Variants in CCDC92B observed in about 807,000 individuals in gnomAD.
The protein encoded by CCDC92B is coiled-coil domain containing 92B.
Under a neutral mutation model 5.6 loss-of-function variants are expected in CCDC92B, and 2 were observed. The ratio of observed to expected loss-of-function variants is 0.36; its 90% confidence interval spans 0.15 to 1.12. CCDC92B has a LOEUF of 1.12. Ranked by LOEUF, CCDC92B falls within the 50% of genes most tolerant of loss-of-function variation. The probability of loss-of-function intolerance (pLI) is 0.40; values close to 1 mark genes in which losing one functional copy is unlikely to be tolerated. For synonymous variants in CCDC92B, 115 were observed against 122.3 expected (o/e 0.94, Z 0.39); for missense variants, 271 against 262.2 (o/e 1.03, Z -0.23).
rs190587870 is a variant in CCDC92B, at chr17:2,728,526, C to T, written c.178+1920G>A. ...GAGACTGAGGCAGAATGGCGTGAAC[C>T]CGGGAGGCAGAGCTTGCAGTGAGCC... is the stretch of plus-strand genomic sequence containing the variant. On this transcript the variant is annotated intron_variant, in intron 3 of 3. Transcript: ENST00000614400. 6.3e-4 allele frequency among the ~76,000 whole-genome samples: 96 copies of T among 151,984 alleles called. 1 individual carries two copies. Among genetic ancestry groups the T allele is most frequent in the Admixed American group, 6.2e-3 (94 of 15,262 alleles).
At chr17:2,741,079 G>A (rs141423404) in intron 1 of CCDC92B, among the ~76,000 whole-genome samples, 53 of 151,572 alleles carry the variant, frequency 3.5e-4, no homozygotes, top group South Asian at 1.0e-3. Flanking sequence ...GTTACACAGC[G>A]ATAAAAAACT....
At chr17:2,725,563 A>G (rs1221146986) in intron 3 of CCDC92B, among the ~76,000 whole-genome samples, 2 of 149,874 alleles carry the variant, frequency 1.3e-5, no homozygotes, top group Non-Finnish European at 3.0e-5. Flanking sequence ...TTAAGTGCAA[A>G]CCCCTTCCTG....
chr17:2,736,908 A>AAAT (rs1352603350), intron 1 of CCDC92B, among the ~76,000 whole-genome samples: 1 of 150,402 alleles, frequency 6.6e-6, no homozygotes, highest in Admixed American at 6.6e-5. Context: ...ATAAATAAAT[A>AAAT]AATAAAATAC....
chr17:2,735,102 C>G lies in CCDC92B; in HGVS notation c.44G>C (p.Arg15Pro). ...SLEHQIQSVQ[R>P]HISFLKKEQM... ...CTCCTTTTTCAGGAAGCTGATGTGGCGTTGCACGCTCTGGATCTGATGCTC... is the reference window on the plus strand; with the variant it reads ...CTCCTTTTTCAGGAAGCTGATGTGGGGTTGCACGCTCTGGATCTGATGCTC... The change falls in exon 2 of 4, where the codon CGC becomes CCC. Residue 15 changes from arginine to proline, a missense_variant. Transcript: ENST00000614400. 1.0e-6 allele frequency: 1 copy of G among 985,590 alleles called. No homozygotes were observed. The highest frequency in any genetic ancestry group is 1.2e-6 in the Non-Finnish European group (1 of 830,016). 61.1% of individuals were successfully genotyped at this position (985,590 alleles called of 1,614,324 possible).
rs539036436 is a variant in CCDC92B, at chr17:2,736,999, A to T, written c.-23-1831T>A. On this transcript the variant is annotated intron_variant, in intron 1 of 3. Coordinates refer to ENST00000614400, the MANE Select transcript of CCDC92B (RefSeq NM_001355573.2). Reference sequence around the variant, plus strand: ...ACTCATGCAGTGACTCCCATGGCAGAACTTTGAGTTGCAGTGATGGATGAG... The same window carrying T: ...ACTCATGCAGTGACTCCCATGGCAGTACTTTGAGTTGCAGTGATGGATGAG... Among the ~76,000 whole-genome samples, 28 of 151,482 alleles carry T rather than the reference A, an allele frequency of 1.8e-4. No individual in the cohort carries two copies. The South Asian group carries it at 5.6e-3, about 30-fold the overall frequency.
intron 3 of CCDC92B, among the ~76,000 whole-genome samples, chr17:2,730,234 G>GA (rs1347427516): frequency 6.6e-6 from 1 of 152,114 alleles, no homozygotes; most frequent in East Asian, 1.9e-4. Flanking sequence ...TCACCCAACT[G>GA]AGGTGGTGCA....
At chr17:2,748,415 T>C (rs1198650890) in intron 1 of CCDC92B, 2 of 985,098 alleles carry the variant, frequency 2.0e-6, no homozygotes, top group Non-Finnish European at 2.4e-6. Flanking sequence ...CAGTCTGCCA[T>C]ATTATCACTC....
intron 1 of CCDC92B, among the ~76,000 whole-genome samples, chr17:2,739,035 C>T (rs538775621): frequency 6.6e-6 from 1 of 151,792 alleles, no homozygotes; most frequent in Admixed American, 6.6e-5. Flanking sequence ...CGAGCCACTG[C>T]ACTCCAGCCT....
chr17:2,743,546 GCA>G (rs1251645102), intron 1 of CCDC92B, among the ~76,000 whole-genome samples: 5 of 152,338 alleles, frequency 3.3e-5, no homozygotes, highest in African/African-American at 4.8e-5. Context: ...ATGAGCCCTT[GCA>G]CAGTCTTCCC....
At chr17:2,736,047 C>CTCCT (rs1174867235) in intron 1 of CCDC92B, among the ~76,000 whole-genome samples, 1 of 152,204 alleles carries the variant, frequency 6.6e-6, no homozygotes, top group African/African-American at 2.4e-5. Flanking sequence ...GGGCTCCAGG[C>CTCCT]TCCTCCAAGT....
intron 1 of CCDC92B, among the ~76,000 whole-genome samples, chr17:2,745,027 T>C (rs2070969095): frequency 7.7e-6 from 1 of 130,366 alleles, no homozygotes; most frequent in Non-Finnish European, 1.5e-5. Flanking sequence ...ATTGCACCAC[T>C]GCATTCCAGC....
intron 2 of CCDC92B, among the ~76,000 whole-genome samples, chr17:2,731,075 A>C (rs1167371625): frequency 6.6e-6 from 1 of 152,112 alleles, no homozygotes; most frequent in African/African-American, 2.4e-5. Context: ...CCCAAGCCCC[A>C]GTTGCGCCGT....
Position 2,737,149 on chromosome 17 carries a change from G to C in CCDC92B, c.-23-1981C>G, listed in dbSNP as rs113490696. Among the ~76,000 whole-genome samples the C allele has an allele frequency of 4.6e-5, 7 of 151,892 alleles. 1 individual carries two copies. The South Asian group carries it at 1.2e-3, about 27-fold the overall frequency. On this transcript the variant is annotated intron_variant, in intron 1 of 3. Coordinates refer to ENST00000614400, the MANE Select transcript of CCDC92B (RefSeq NM_001355573.2). ...TCTTGGACAAGCAGAGGCAGACCGC[G>C]AACACTGGAGCCCAGGACTTAGAGC... is the stretch of plus-strand genomic sequence containing the variant.
intron 1 of CCDC92B, among the ~76,000 whole-genome samples, chr17:2,740,907 G>A (rs1374201990): frequency 6.7e-6 from 1 of 148,530 alleles, no homozygotes; most frequent in African/African-American, 2.5e-5. Context: ...TCAAGTCTGC[G>A]GTGAGCCATG....
At chr17:2,748,522 GT>G in intron 1 of CCDC92B, 14 of 972,808 alleles carry the variant, frequency 1.4e-5, no homozygotes, top group Non-Finnish European at 1.7e-5. Context: ...GTGTGTGTGT[GT>G]GTGTGTGTGT....
At chr17:2,735,810 G>A (rs1468136602) in intron 1 of CCDC92B, among the ~76,000 whole-genome samples, 1 of 152,134 alleles carries the variant, frequency 6.6e-6, no homozygotes, top group Non-Finnish European at 1.5e-5. Context: ...CAGAGAACCT[G>A]GGTTCTAGCC....
At chr17:2,747,419 C>T (rs550659704) in intron 1 of CCDC92B, among the ~76,000 whole-genome samples, 74 of 152,112 alleles carry the variant, frequency 4.9e-4, no homozygotes, top group African/African-American at 1.7e-3. Flanking sequence ...ACAAGCATGG[C>T]GATAAGTGAA....
intron 3 of CCDC92B, 54 bp from the exon 4 acceptor site, chr17:2,725,054 C>T (rs1468479278): frequency 1.0e-6 from 1 of 985,300 alleles, no homozygotes; most frequent in Non-Finnish European, 1.2e-6. Context: ...TGGAACAGAA[C>T]CTGCACGGCT....
intron 2 of CCDC92B, among the ~76,000 whole-genome samples, chr17:2,733,077 A>C (rs1452358406): frequency 2.0e-5 from 3 of 150,502 alleles, no homozygotes; most frequent in Non-Finnish European, 4.4e-5. Context: ...AAAAAAAAAA[A>C]CCAAGGGGTT....
Sources: allele counts gnomAD v4.1 joint callset (sites outside exome capture counted in the v4.1 genomes callset), GRCh38; gene constraint gnomAD v4.1.1; transcripts MANE v1.5; gene names NCBI Gene and HGNC (gene_info 2026-07-23, HGNC 2026-07-21).